Variants in MCC observed in about 807,000 individuals in gnomAD.
The protein encoded by MCC is colorectal mutant cancer protein.
Under a neutral mutation model 116.2 loss-of-function variants are expected in MCC, and 90 were observed. The ratio of observed to expected loss-of-function variants is 0.77; its 90% CI spans 0.65 to 0.92. MCC has a LOEUF of 0.92. Ranked by LOEUF, MCC falls within the 40% of genes least tolerant of loss-of-function variation. MCC has a pLI of 0.00. For synonymous variants in MCC, 578 were observed against 510.5 expected, an observed-to-expected ratio of 1.13 and a Z score of -1.78; for missense variants, 1,516 against 1,312.2, an observed-to-expected ratio of 1.16 and a Z score of -2.40.
chr5:113,292,821 T>G, intron 3 of MCC, among the ~76,000 whole-genome samples: 1 of 152,180 alleles, frequency 6.6e-6, no homozygotes, highest in Non-Finnish European at 1.5e-5. Context: ...CCTTCAGTTT[T>G]GGGGTTTTCA....
intron 4 of MCC, 121 bp from the exon 5 acceptor site, chr5:113,143,481 T>C: frequency 1.9e-6 from 2 of 1,044,342 alleles, no homozygotes; most frequent in East Asian, 2.5e-5. Flanking sequence ...CCAAATAAAA[T>C]GTATGTCAGC....
intron 3 of MCC, among the ~76,000 whole-genome samples, chr5:113,234,150 G>A (rs1367309310): frequency 6.6e-6 from 1 of 152,110 alleles, no homozygotes; most frequent in African/African-American, 2.4e-5. Flanking sequence ...CTGATAGTTT[G>A]TGAAAATGAA....
At chr5:113,122,640 C>G in intron 6 of MCC, 44 bp downstream of exon 6, 2 of 1,600,596 alleles carry the variant, frequency 1.2e-6, no homozygotes, top group Non-Finnish European at 1.7e-6. Flanking sequence ...TATTACAATC[C>G]AGAAACCAAA....
chr5:113,137,837 G>T (rs993269391), intron 5 of MCC, among the ~76,000 whole-genome samples: 24 of 152,046 alleles, frequency 1.6e-4, no homozygotes, highest in African/African-American at 5.8e-4. Flanking sequence ...CTAGGGCATT[G>T]AAAAAGGTTA....
chr5:113,481,981 C>CTATA (rs1772392453), intron 1 of MCC, among the ~76,000 whole-genome samples: 1 of 152,212 alleles, frequency 6.6e-6, no homozygotes, highest in Admixed American at 6.5e-5. Context: ...CTTTCTATCT[C>CTATA]TATAGACATT....
intron 1 of MCC, among the ~76,000 whole-genome samples, chr5:113,476,040 A>T (rs752767999): frequency 6.6e-6 from 1 of 152,226 alleles, no homozygotes; most frequent in Non-Finnish European, 1.5e-5. Flanking sequence ...ACTCAAAATA[A>T]AAAGACTGTA....
intron 3 of MCC, among the ~76,000 whole-genome samples, chr5:113,221,098 G>A (rs1338842472): frequency 2.0e-5 from 3 of 152,214 alleles, no homozygotes; most frequent in African/African-American, 7.2e-5. Context: ...CAGCTACTCA[G>A]GAGACTGAGG....
chr5:113,125,996 G>C (rs1758027943), intron 5 of MCC, among the ~76,000 whole-genome samples: 1 of 152,156 alleles, frequency 6.6e-6, no homozygotes, highest in Admixed American at 6.6e-5. Context: ...CTGATAAACT[G>C]ATAAATGTTG....
Position 113,488,284 on chromosome 5 carries a change from A to G in MCC, c.131T>C (p.Phe44Ser). The change falls in exon 1 of 19, where the codon TTC becomes TCC. Residue 44 changes from phenylalanine (F) to serine (S), a missense_variant. Coordinates refer to ENST00000408903, the MANE Select transcript of MCC (RefSeq NM_001085377.2). ...GTCCCCGTCGCCGTCGCACGTCTGG[A>G]AGAGGCGCCGCATCCTCTCCTCCTC... The part of the protein sequence containing the change: ...TGEEERMRRL[F>S]QTCDGDGDGY... 6.3e-7 allele frequency: 1 copy of G among 1,595,234 alleles called. No individual in the cohort carries two copies. The highest frequency in any genetic ancestry group is 8.5e-7 in the Non-Finnish European group (1 of 1,171,900).
chr5:113,478,360 T>C (rs1772286906), intron 1 of MCC, among the ~76,000 whole-genome samples: 1 of 152,108 alleles, frequency 6.6e-6, no homozygotes, highest in African/African-American at 2.4e-5. Context: ...ACCTCAGTGG[T>C]AGAAAGGAAG....
intron 3 of MCC, among the ~76,000 whole-genome samples, chr5:113,236,717 G>C (rs1764144604): frequency 6.6e-6 from 1 of 152,122 alleles, no homozygotes; most frequent in African/African-American, 2.4e-5. Flanking sequence ...GAACACCTAG[G>C]TTAGGGCAGA....
intron 3 of MCC, among the ~76,000 whole-genome samples, chr5:113,224,375 G>A (rs1763659807): frequency 6.6e-6 from 1 of 152,218 alleles, no homozygotes; most frequent in Non-Finnish European, 1.5e-5. Context: ...TTACAGGCGT[G>A]AGCCACTGCC....
chr5:113,273,576 T>A (rs1340311336), intron 3 of MCC, among the ~76,000 whole-genome samples: 2 of 151,958 alleles, frequency 1.3e-5, no homozygotes, highest in Non-Finnish European at 2.9e-5. Context: ...AAGCAAAACA[T>A]GAGAAACAGG....
chr5:113,245,192 C>T (rs191925125), intron 3 of MCC, among the ~76,000 whole-genome samples: 4 of 150,784 alleles, frequency 2.7e-5, no homozygotes, highest in South Asian at 2.1e-4. Flanking sequence ...ACCAGGAGGC[C>T]GAGGCAGGAG....
chr5:113,463,737 C>A (rs1291411416), intron 1 of MCC, among the ~76,000 whole-genome samples: 1 of 152,060 alleles, frequency 6.6e-6, no homozygotes, highest in Non-Finnish European at 1.5e-5. Context: ...AAAAGAGGAC[C>A]GAGCTGGACA....
At chr5:113,158,962 G>A (rs1760330415) in intron 3 of MCC, among the ~76,000 whole-genome samples, 1 of 152,074 alleles carries the variant, frequency 6.6e-6, no homozygotes. Context: ...TGTGGGGCGG[G>A]GGTGAGGTGT....
intron 3 of MCC, among the ~76,000 whole-genome samples, chr5:113,337,127 T>C (rs1330111901): frequency 1.3e-5 from 2 of 152,190 alleles, no homozygotes; most frequent in Non-Finnish European, 2.9e-5. Flanking sequence ...TTGACTGCTG[T>C]GCTCTCCCCT....
intron 17 of MCC, among the ~76,000 whole-genome samples, chr5:113,033,550 C>A (rs559337637): frequency 6.6e-6 from 1 of 152,262 alleles, no homozygotes; most frequent in Non-Finnish European, 1.5e-5. Flanking sequence ...GGTTTGGGTA[C>A]ATAAGTTAGG....
At chr5:113,106,052 G>A (rs112417957) in intron 6 of MCC, among the ~76,000 whole-genome samples, 4 of 152,146 alleles carry the variant, frequency 2.6e-5, no homozygotes, top group Non-Finnish European at 5.9e-5. Flanking sequence ...TAATTCTAAC[G>A]TGCAGTCAGA....
Sources: gnomAD v4.1 joint callset for allele counts (sites outside exome capture counted in the v4.1 genomes callset) on GRCh38, gnomAD v4.1.1 for gene constraint, MANE v1.5 for transcripts, NCBI Gene and HGNC (gene_info 2026-07-23, HGNC 2026-07-21) for gene names.